Variants in NTAQ1 observed in about 807,000 individuals in gnomAD.
NTAQ1 encodes protein N-terminal glutamine amidohydrolase.
A neutral mutation model predicts 28.2 loss-of-function variants in NTAQ1; 21 were observed. The ratio of observed to expected loss-of-function variants is 0.74; its 90% CI spans 0.53 to 1.07. The LOEUF (loss-of-function observed/expected upper bound fraction) is 1.07, where lower values mean the gene tolerates loss of function less well. Among genes scored for constraint, NTAQ1 ranks in the 50% least tolerant of loss-of-function variants. The probability of loss-of-function intolerance (pLI) is 0.00; values close to 1 mark genes in which losing one functional copy is unlikely to be tolerated. For synonymous variants in NTAQ1, 105 were observed against 90.0 expected (o/e 1.17, Z -0.94); for missense variants, 264 against 256.6 (o/e 1.03, Z -0.20).
In NTAQ1 at chr8:123,429,970, T is replaced by C. The variant is rs1200176979; in HGVS notation, c.184-13T>C. ...CTAAAGGTATGGCTTACGAAATGTA[T>C]TGTATTTTGTAGATACCTATCTGGA... On this transcript the variant is annotated splice_polypyrimidine_tract_variant and intron_variant, in intron 2 of 5. Transcript: ENST00000287387. 2 of 1,600,212 alleles carry C rather than the reference T, an allele frequency of 1.2e-6. No homozygotes were observed.
intron 1 of NTAQ1, among the ~76,000 whole-genome samples, chr8:123,419,733 GCCCTCCCTCCCT>G (rs1229159414): frequency 2.8e-5 from 2 of 71,240 alleles, no homozygotes; most frequent in African/African-American, 1.1e-4. Context: ...CAAATCCACA[GCCCTCCCTCCCT>G]CCCTCCCTCC....
chr8:123,473,956 T>C (rs1039495209), downstream of NTAQ1, among the ~76,000 whole-genome samples: 5 of 152,210 alleles, frequency 3.3e-5, no homozygotes, highest in South Asian at 4.1e-4. Context: ...ATTAATATCA[T>C]TGGTATGCAA....
chr8:123,434,486 G>T (rs1050414660), intron 3 of NTAQ1, among the ~76,000 whole-genome samples: 2 of 152,052 alleles, frequency 1.3e-5, no homozygotes, highest in Non-Finnish European at 2.9e-5. Context: ...AATTAGCTGG[G>T]TGTGGTGGCG....
intron 6 of NTAQ1, among the ~76,000 whole-genome samples, chr8:123,463,881 T>C (rs6984935): frequency 0.89 from 135,186 of 152,202 alleles, 60,621 homozygotes; most frequent in East Asian, 1. Flanking sequence ...TAATTCCTAC[T>C]TGTCGTGGGA....
At chr8:123,436,983 A>G (rs571808903) in intron 4 of NTAQ1, among the ~76,000 whole-genome samples, 1 of 152,288 alleles carries the variant, frequency 6.6e-6, no homozygotes, top group Admixed American at 6.5e-5. Context: ...AATCGAGTAA[A>G]TCGAGGCAAC....
chr8:123,441,200 A>C, intron 5 of NTAQ1, 106 bp from the exon 6 acceptor site: 2 of 788,888 alleles, frequency 2.5e-6, no homozygotes, highest in East Asian at 5.4e-5. Context: ...TTGAGCCCTT[A>C]TCCATTTGAA....
chr8:123,436,420 A>G (rs367874182), intron 3 of NTAQ1, 33 bp from the exon 4 acceptor site: 2 of 1,603,942 alleles, frequency 1.2e-6, no homozygotes, highest in Non-Finnish European at 1.7e-6. Flanking sequence ...ATTATGAAGT[A>G]ACTTGGTTAA....
rs557771555 is a variant in NTAQ1 at position 123,440,106 on chromosome 8, G to C, written c.509-1200G>C. 4.9e-5 allele frequency among the ~76,000 whole-genome samples: 7 copies of C among 142,216 alleles called. 1 individual carries two copies. In the East Asian group the frequency reaches 1.4e-3, roughly 29 times the overall value. The allele number at this position is 142,216 out of a possible 152,430, so 93.3% of individuals were successfully genotyped here. ...CTACCTTGGCCTCCCAAAATACTGAGATTATAGGCATGAGCCACCACGCTG... is the reference window on the plus strand; with the variant it reads ...CTACCTTGGCCTCCCAAAATACTGACATTATAGGCATGAGCCACCACGCTG... On this transcript the variant is annotated intron_variant, in intron 5 of 5. Coordinates refer to ENST00000287387, the MANE Select transcript of NTAQ1 (RefSeq NM_018024.3).
intron 1 of NTAQ1, among the ~76,000 whole-genome samples, chr8:123,420,149 C>T (rs755545529): frequency 1.3e-5 from 2 of 152,022 alleles, no homozygotes; most frequent in African/African-American, 2.4e-5. Flanking sequence ...CCCACTTATA[C>T]GCAAGAATAT....
chr8:123,425,808 A>G (rs28700096), intron 1 of NTAQ1, among the ~76,000 whole-genome samples: 7 of 152,142 alleles, frequency 4.6e-5, no homozygotes, highest in African/African-American at 1.7e-4. Flanking sequence ...TCAGGAGTTC[A>G]AGACCAGCCA....
intron 1 of NTAQ1, among the ~76,000 whole-genome samples, chr8:123,419,739 C>CTCCCTCCCTCT (rs1813550816): frequency 1.0e-5 from 1 of 97,056 alleles, no homozygotes; most frequent in Non-Finnish European, 2.1e-5. Context: ...CACAGCCCTC[C>CTCCCTCCCTCT]CTCCCTCCCT....
At position 123,441,329 on chromosome 8, in the gene NTAQ1, T is replaced by A; in HGVS notation, c.532T>A (p.Phe178Ile). ...AGATTCCAAAATGAACCTGAACGAT[T>A]TCATCAGTATGGATCCCAAGGTAGG... ...TGDSKMNLND[F>I]ISMDPKVGWG... is the part of the protein sequence containing the mutation. The change falls in exon 6 of 6, where the codon TTC becomes ATC. Residue 178 changes from phenylalanine to isoleucine, a missense_variant. Coordinates refer to ENST00000287387, the MANE Select transcript of NTAQ1 (RefSeq NM_018024.3). 6.2e-7 allele frequency: 1 copy of A among 1,610,602 alleles called. No homozygotes were observed. Among genetic ancestry groups the A allele is most frequent in the South Asian group, 1.1e-5 (1 of 90,306 alleles).
chr8:123,431,885 G>T (rs540645513), intron 3 of NTAQ1, among the ~76,000 whole-genome samples: 2 of 152,188 alleles, frequency 1.3e-5, no homozygotes, highest in Non-Finnish European at 2.9e-5. Flanking sequence ...TAGATGGTCC[G>T]TGTGCACGAG....
intron 5 of NTAQ1, among the ~76,000 whole-genome samples, chr8:123,438,672 CAAA>C (rs11411907): frequency 7.5e-6 from 1 of 132,644 alleles, no homozygotes; most frequent in Non-Finnish European, 1.6e-5. Flanking sequence ...GATTCCATCT[CAAA>C]AAAAAAAAAA....
intron 5 of NTAQ1, among the ~76,000 whole-genome samples, chr8:123,440,686 G>A (rs937836103): frequency 6.6e-6 from 1 of 151,666 alleles, no homozygotes; most frequent in African/African-American, 2.4e-5. Context: ...TTTTAGTAGA[G>A]ATGGGGTTTC....
chr8:123,431,655 C>CTCTG (rs1156661514), intron 3 of NTAQ1, among the ~76,000 whole-genome samples: 1 of 152,176 alleles, frequency 6.6e-6, no homozygotes, highest in African/African-American at 2.4e-5. Flanking sequence ...GGAGCACAGG[C>CTCTG]TCTGGAGTTA....
At chr8:123,434,768 T>TAACAA (rs1354814170) in intron 3 of NTAQ1, among the ~76,000 whole-genome samples, 1 of 152,040 alleles carries the variant, frequency 6.6e-6, no homozygotes. Context: ...CTGGAGCTTG[T>TAACAA]GTGGTAGAAA....
chr8:123,431,057 G>A (rs1463328850), intron 3 of NTAQ1, among the ~76,000 whole-genome samples: 1 of 152,164 alleles, frequency 6.6e-6, no homozygotes, highest in East Asian at 1.9e-4. Flanking sequence ...GGAGGCTAGG[G>A]TTGGGCACGG....
chr8:123,443,561 T>A (rs1048429833), downstream of NTAQ1, among the ~76,000 whole-genome samples: 14 of 152,218 alleles, frequency 9.2e-5, 1 homozygote, highest in Admixed American at 9.2e-4. Flanking sequence ...CAGATTGATC[T>A]GTGCTTGAAG....
Sources: gnomAD v4.1 joint callset for allele counts (sites outside exome capture counted in the v4.1 genomes callset) on GRCh38, gnomAD v4.1.1 for gene constraint, MANE v1.5 for transcripts, NCBI Gene and HGNC (gene_info 2026-07-23, HGNC 2026-07-21) for gene names.